Variants in RBM47 observed in about 807,000 individuals in gnomAD.
RBM47 encodes RNA binding motif protein 47, also known as RNA-binding protein 47.
In RBM47, 21 loss-of-function variants were observed where a neutral mutation model predicts 47.1. That is an observed-to-expected ratio of 0.45 (90% CI 0.32 to 0.64). The LOEUF is 0.64. Ranked by LOEUF, RBM47 falls within the 30% of genes least tolerant of loss-of-function variation. The pLI is 0.05. For missense variants in RBM47, 708 were observed against 870.9 expected (o/e 0.81, Z 2.35); for synonymous variants, 375 against 361.7 (o/e 1.04, Z -0.42).
At chr4:40,577,202 T>G (rs1463200167) in intron 1 of RBM47, among the ~76,000 whole-genome samples, 13 of 152,098 alleles carry the variant, frequency 8.5e-5, no homozygotes, top group Non-Finnish European at 1.5e-5. Flanking sequence ...CTTCCTGGAG[T>G]GCTGAGCCAA....
chr4:40,561,756 C>T (rs960264065), intron 1 of RBM47, among the ~76,000 whole-genome samples: 2 of 150,750 alleles, frequency 1.3e-5, no homozygotes, highest in East Asian at 4.0e-4. Context: ...CGTTATGTTG[C>T]GCAAGCTGGT....
chr4:40,547,000 C>T (rs934773605), intron 1 of RBM47, among the ~76,000 whole-genome samples: 11 of 152,126 alleles, frequency 7.2e-5, no homozygotes, highest in African/African-American at 2.7e-4. Flanking sequence ...GAATATGGTA[C>T]CAAGATCAAA....
chr4:40,513,199 T>C (rs1010274733), intron 2 of RBM47, among the ~76,000 whole-genome samples: 10 of 152,218 alleles, frequency 6.6e-5, no homozygotes, highest in Admixed American at 1.3e-4. Flanking sequence ...CGTTTTCAAA[T>C]GACTGGCCAC....
intron 1 of RBM47, among the ~76,000 whole-genome samples, chr4:40,596,592 T>TTCC (rs1449091407): frequency 2.6e-5 from 4 of 152,312 alleles, no homozygotes; most frequent in African/African-American, 9.6e-5. Context: ...TTACACTGTG[T>TTCC]TCCAATAACA....
intron 3 of RBM47, among the ~76,000 whole-genome samples, chr4:40,446,425 A>G (rs924996111): frequency 3.3e-5 from 5 of 152,206 alleles, no homozygotes; most frequent in Non-Finnish European, 5.9e-5. Flanking sequence ...TAAGTGATCA[A>G]GGAATGTTAG....
intron 1 of RBM47, among the ~76,000 whole-genome samples, chr4:40,590,751 G>A (rs1417487660): frequency 6.6e-6 from 1 of 152,234 alleles, no homozygotes; most frequent in South Asian, 2.1e-4. Context: ...TGGATGGACT[G>A]TGAGCATATC....
At chr4:40,596,245 G>A (rs1313700285) in intron 1 of RBM47, among the ~76,000 whole-genome samples, 2 of 152,232 alleles carry the variant, frequency 1.3e-5, no homozygotes, top group African/African-American at 2.4e-5. Context: ...TAAAGCAGAG[G>A]AATAAGATAA....
chr4:40,498,248 C>A (rs1333691723), intron 2 of RBM47, among the ~76,000 whole-genome samples: 1 of 151,606 alleles, frequency 6.6e-6, no homozygotes, highest in African/African-American at 2.4e-5. Context: ...GGTGAGCCTT[C>A]CAGTAATGCA....
At chr4:40,626,748 A>T (rs1737779192) in intron 1 of RBM47, among the ~76,000 whole-genome samples, 1 of 152,176 alleles carries the variant, frequency 6.6e-6, no homozygotes, top group South Asian at 2.1e-4. Flanking sequence ...AGCAACTATG[A>T]GAGAAACAGA....
chr4:40,609,366 G>A (rs1477426435), intron 1 of RBM47, among the ~76,000 whole-genome samples: 1 of 149,414 alleles, frequency 6.7e-6, no homozygotes. Context: ...ACATTGGAGT[G>A]CAGTGCCACA....
intron 1 of RBM47, among the ~76,000 whole-genome samples, chr4:40,590,747 G>T (rs546409181): frequency 6.6e-6 from 1 of 152,330 alleles, no homozygotes; most frequent in South Asian, 2.1e-4. Context: ...AACATGGATG[G>T]ACTGTGAGCA....
At chr4:40,442,558 T>C (rs756890525) in intron 3 of RBM47, among the ~76,000 whole-genome samples, 3 of 152,202 alleles carry the variant, frequency 2.0e-5, no homozygotes, top group Non-Finnish European at 2.9e-5. Context: ...ACTTGTATAA[T>C]GATGTTCACA....
rs541732612 is a variant in RBM47 at position 40,545,577 on chromosome 4, C to G, written c.-239-1071G>C. On this transcript the variant is annotated intron_variant, in intron 1 of 6. Coordinates refer to ENST00000295971, the MANE Select transcript of RBM47 (RefSeq NM_001098634.2). ...TACTCAGGAGGCTGACACAGGAGAA[C>G]TGCTTGAACTCGGGAGGCGGAGGTT... 6.8e-5 allele frequency among the ~76,000 whole-genome samples: 10 copies of G among 148,130 alleles called. No individual in the cohort carries two copies. In the South Asian group the frequency reaches 1.7e-3, roughly 25 times the overall value.
rs568869851 is a variant in RBM47, at chr4:40,536,327, T to C, written c.-155+8095A>G. On this transcript the variant is annotated intron_variant, in intron 2 of 6. Transcript: ENST00000295971. ...CACCTCAGCAGAACTTTGATGCATG[T>C]CTAATGACTGGCTTGGAGACCTTGT... Among the ~76,000 whole-genome samples, 87 of 152,280 alleles carry C rather than the reference T, an allele frequency of 5.7e-4. No individual in the cohort carries two copies. The Middle Eastern group carries it at 0.01, about 18-fold the overall frequency.
chr4:40,532,255 C>G (rs1335431127), intron 2 of RBM47, among the ~76,000 whole-genome samples: 2 of 150,078 alleles, frequency 1.3e-5, no homozygotes, highest in East Asian at 3.9e-4. Flanking sequence ...CGTGATCCAC[C>G]TTCCTCAGCC....
chr4:40,500,210 G>A (rs1323737245), intron 2 of RBM47, among the ~76,000 whole-genome samples: 1 of 152,154 alleles, frequency 6.6e-6, no homozygotes, highest in Non-Finnish European at 1.5e-5. Context: ...CTACTTAGGA[G>A]GCTGAGGCAG....
At chr4:40,614,486 G>A (rs1736538021) in intron 1 of RBM47, among the ~76,000 whole-genome samples, 1 of 152,134 alleles carries the variant, frequency 6.6e-6, no homozygotes, top group Non-Finnish European at 1.5e-5. Flanking sequence ...GTAGAAGACT[G>A]GGTCCTGGTC....
Position 40,617,973 on chromosome 4 carries a change from G to A in RBM47, c.-240+11423C>T, listed in dbSNP as rs1019969561. ...AAGAATGTGAAGGGCCAGGCATGGT[G>A]GTTCACACCATAATCCCAGTACTTT... On this transcript the variant is annotated intron_variant, in intron 1 of 6. Transcript: ENST00000295971. 4.6e-5 allele frequency among the ~76,000 whole-genome samples: 7 copies of A among 152,156 alleles called. 1 individual carries two copies. Among genetic ancestry groups the A allele is most frequent in the Admixed American group, 3.3e-4 (5 of 15,272 alleles).
intron 3 of RBM47, among the ~76,000 whole-genome samples, chr4:40,439,422 G>A (rs187328058): frequency 6.6e-6 from 1 of 152,168 alleles, no homozygotes; most frequent in African/African-American, 2.4e-5. Flanking sequence ...AAAACTTTTA[G>A]GAGCTGTCAT....
Sources: allele counts gnomAD v4.1 joint callset (sites outside exome capture counted in the v4.1 genomes callset), GRCh38; gene constraint gnomAD v4.1.1; transcripts MANE v1.5; gene names NCBI Gene and HGNC (gene_info 2026-07-23, HGNC 2026-07-21).